GABRB1: variants seen among roughly 807,000 people sequenced by gnomAD.
GABRB1 encodes gamma-aminobutyric acid receptor subunit beta-1.
GABRB1 carries 17 observed loss-of-function variants against 51.6 expected under a neutral mutation model. That is an observed-to-expected ratio of 0.33 (90% CI 0.23 to 0.49). The LOEUF is 0.49. Among genes scored for constraint, GABRB1 ranks in the 20% least tolerant of loss-of-function variants. The pLI is 0.99. For missense variants in GABRB1, 410 were observed against 600.6 expected (o/e 0.68, Z 3.32); for synonymous variants, 247 against 218.9 (o/e 1.13, Z -1.14).
At chr4:47,038,986 A>ATTTCATGAAGTTCCTTG (rs1336027195) in intron 3 of GABRB1, among the ~76,000 whole-genome samples, 1 of 152,136 alleles carries the variant, frequency 6.6e-6, no homozygotes, top group East Asian at 1.9e-4. Flanking sequence ...TAGATCAAGC[A>ATTTCATGAAGTTCCTTG]TTTCATGAAG....
chr4:47,256,872 C>T (rs1029634227), intron 4 of GABRB1, among the ~76,000 whole-genome samples: 2 of 152,130 alleles, frequency 1.3e-5, no homozygotes, highest in African/African-American at 2.4e-5. Context: ...AAATCCAAAC[C>T]ATATCAGGTA....
chr4:47,311,387 G>A (rs1264482165), intron 4 of GABRB1, among the ~76,000 whole-genome samples: 2 of 147,514 alleles, frequency 1.4e-5, no homozygotes, highest in East Asian at 4.0e-4. Flanking sequence ...ACTCCAGCCT[G>A]GATAACGGAG....
intron 4 of GABRB1, among the ~76,000 whole-genome samples, chr4:47,269,710 A>C (rs1220346754): frequency 6.6e-6 from 1 of 151,788 alleles, no homozygotes. Flanking sequence ...GCTACTTAAC[A>C]TGTATTATGT....
chr4:47,056,253 T>C (rs1435851316), intron 3 of GABRB1, among the ~76,000 whole-genome samples: 1 of 152,224 alleles, frequency 6.6e-6, no homozygotes, highest in Non-Finnish European at 1.5e-5. Flanking sequence ...TTTTTTCTGG[T>C]AGAGAAAATT....
At chr4:47,167,414 A>C in intron 4 of GABRB1, among the ~76,000 whole-genome samples, 1 of 152,050 alleles carries the variant, frequency 6.6e-6, no homozygotes, top group East Asian at 1.9e-4. Flanking sequence ...CTTGAAAAAA[A>C]AAATGCCTTT....
rs545209521 is a variant in GABRB1 at position 47,245,187 on chromosome 4, A to G, written c.462-74940A>G. Among the ~76,000 whole-genome samples the G allele has an allele frequency of 4.6e-5, 7 of 152,330 alleles. No individual in the cohort carries two copies. In the South Asian group the frequency reaches 1.4e-3, roughly 32 times the overall value. ...ATATCACCACTGATTCCACAGAAAT[A>G]CAAACTACCATCAGAGAATACTATA... On this transcript the variant is annotated intron_variant, in intron 4 of 8. Transcript: ENST00000295454.
intron 3 of GABRB1, among the ~76,000 whole-genome samples, chr4:47,107,272 T>C (rs1440003654): frequency 6.6e-6 from 1 of 152,096 alleles, no homozygotes; most frequent in Non-Finnish European, 1.5e-5. Context: ...GTACTTGGAA[T>C]TCTAGATTCT....
At chr4:47,247,454 G>A (rs965099365) in intron 4 of GABRB1, among the ~76,000 whole-genome samples, 1 of 152,138 alleles carries the variant, frequency 6.6e-6, no homozygotes, top group Non-Finnish European at 1.5e-5. Context: ...CAGGTAGTGT[G>A]ATGCCTCCAG....
At chr4:47,181,756 A>C (rs963811390) in intron 4 of GABRB1, among the ~76,000 whole-genome samples, 4 of 152,046 alleles carry the variant, frequency 2.6e-5, no homozygotes, top group Admixed American at 2.0e-4. Context: ...CTCAAAGGCA[A>C]GATTTAATGA....
intron 5 of GABRB1, among the ~76,000 whole-genome samples, chr4:47,325,357 C>T (rs1004712809): frequency 3.3e-5 from 5 of 150,980 alleles, no homozygotes; most frequent in African/African-American, 1.2e-4. Flanking sequence ...ATCATTTGAA[C>T]TTGGGAGGCA....
intron 4 of GABRB1, among the ~76,000 whole-genome samples, chr4:47,248,309 G>A (rs1721843976): frequency 1.3e-5 from 2 of 152,030 alleles, no homozygotes; most frequent in Non-Finnish European, 2.9e-5. Flanking sequence ...CTGTCAATGT[G>A]GTGTATCACA....
intron 8 of GABRB1, among the ~76,000 whole-genome samples, chr4:47,412,620 G>T (rs192185323): frequency 6.6e-6 from 1 of 152,122 alleles, no homozygotes; most frequent in African/African-American, 2.4e-5. Context: ...AACGCCCAAG[G>T]TTCATTGTCT....
At chr4:47,170,369 T>C (rs17652970) in intron 4 of GABRB1, among the ~76,000 whole-genome samples, 20,972 of 147,080 alleles carry the variant, frequency 0.14, 1,894 homozygotes, top group East Asian at 0.33. Flanking sequence ...ATCTTGATAA[T>C]ACAGATCCAC....
intron 4 of GABRB1, among the ~76,000 whole-genome samples, chr4:47,307,250 C>T (rs1724505663): frequency 6.6e-6 from 1 of 151,918 alleles, no homozygotes; most frequent in Non-Finnish European, 1.5e-5. Context: ...TTGACCCCTC[C>T]AGAATTTACC....
chr4:47,321,035 T>C (rs1468889194), intron 5 of GABRB1, among the ~76,000 whole-genome samples: 1 of 152,206 alleles, frequency 6.6e-6, no homozygotes, highest in Non-Finnish European at 1.5e-5. Flanking sequence ...TTAGTCTGAT[T>C]GACTATCTTT....
At chr4:47,193,679 G>A (rs543102624) in intron 4 of GABRB1, among the ~76,000 whole-genome samples, 1 of 151,850 alleles carries the variant, frequency 6.6e-6, no homozygotes, top group East Asian at 1.9e-4. Flanking sequence ...TACCCTAAGA[G>A]TCTACACTGA....
At chr4:47,319,012 A>G (rs1175744282) in intron 4 of GABRB1, among the ~76,000 whole-genome samples, 1 of 152,004 alleles carries the variant, frequency 6.6e-6, no homozygotes, top group East Asian at 1.9e-4. Context: ...CACACACACT[A>G]CTCTGCACCT....
At chr4:47,122,536 G>A (rs1025268726) in intron 3 of GABRB1, among the ~76,000 whole-genome samples, 5 of 152,114 alleles carry the variant, frequency 3.3e-5, no homozygotes, top group African/African-American at 1.2e-4. Context: ...CAGAAAGCAG[G>A]TACTACTCTC....
At chr4:47,276,181 A>G (rs1453540539) in intron 4 of GABRB1, among the ~76,000 whole-genome samples, 2 of 152,176 alleles carry the variant, frequency 1.3e-5, no homozygotes, top group East Asian at 1.9e-4. Context: ...CTGTGTTCAA[A>G]CTTTGTCCCA....
Sources: gnomAD v4.1 joint callset for allele counts (sites outside exome capture counted in the v4.1 genomes callset) on GRCh38, gnomAD v4.1.1 for gene constraint, MANE v1.5 for transcripts, NCBI Gene and HGNC (gene_info 2026-07-23, HGNC 2026-07-21) for gene names.